The following DLGAP1 variants were observed in gnomAD, a reference collection of about 807,000 sequenced individuals.
DLGAP1 encodes disks large-associated protein 1.
DLGAP1 carries 11 observed loss-of-function variants against 90.8 expected under a neutral mutation model. The observed-to-expected ratio is 0.12, with a 90% CI of 0.08 to 0.20. The LOEUF (loss-of-function observed/expected upper bound fraction) is 0.20. Among genes scored for constraint, DLGAP1 ranks in the 10% least tolerant of loss-of-function variants. The probability of loss-of-function intolerance (pLI) is 1.00; values close to 1 mark genes in which losing one functional copy is unlikely to be tolerated. For synonymous variants in DLGAP1, 558 were observed against 540.7 expected (o/e 1.03, Z -0.44); for missense variants, 1,050 against 1,333.8 (o/e 0.79, Z 3.31).
At position 3,545,714 on chromosome 18, in the gene DLGAP1, T is replaced by C. The variant is rs141001593; in HGVS notation, c.2058-11099A>G. 4.5e-3 allele frequency among the ~76,000 whole-genome samples: 690 copies of C among 151,954 alleles called. 31 individuals carry two copies. In the South Asian group the frequency reaches 0.096, roughly 21 times the overall value. On this transcript the variant is annotated intron_variant, in intron 9 of 12. Transcript: ENST00000315677. ...TCTACTAAAATTACAAAAACTAAAC[T>C]AAACTAAAATAAATAAAAATAGAGA...
chr18:3,496,139 G>C lies in DLGAP1; in HGVS notation c.*3046C>G, dbSNP rs1209123355. ...ACACAATCTAGGTAAATAAGCCTATGAAATTCCAATTCATAAAGCCATAAA... is the reference window on the plus strand; with the variant it reads ...ACACAATCTAGGTAAATAAGCCTATCAAATTCCAATTCATAAAGCCATAAA... On this transcript the variant is annotated 3_prime_UTR_variant, in exon 13 of 13. Transcript: ENST00000315677. 6.6e-6 allele frequency: 1 copy of C among 152,060 alleles called. No homozygotes were observed. The highest frequency in any genetic ancestry group is 1.5e-5 in the Non-Finnish European group (1 of 68,002). The allele number at this position is 152,060 out of a possible 1,614,324, so 9.4% of individuals were successfully genotyped here.
chr18:4,275,438 G>T (rs1288821404), intron 1 of DLGAP1: 2 of 152,130 alleles, frequency 1.3e-5, no homozygotes, highest in Admixed American at 6.5e-5. Flanking sequence ...TTCTCCCACT[G>T]TTGGCAATCT....
intron 9 of DLGAP1, among the ~76,000 whole-genome samples, chr18:3,545,667 G>GC (rs2052973027): frequency 6.6e-6 from 1 of 152,102 alleles, no homozygotes; most frequent in South Asian, 2.1e-4. Context: ...GACCAGCCTG[G>GC]CCAACATGGT....
intron 7 of DLGAP1, among the ~76,000 whole-genome samples, chr18:3,648,515 C>T (rs1639369): frequency 0.23 from 35,084 of 152,028 alleles, 4,579 homozygotes; most frequent in African/African-American, 0.34. Flanking sequence ...TGGTGTGTTC[C>T]AAAATTAATA....
intron 5 of DLGAP1, among the ~76,000 whole-genome samples, chr18:3,792,797 C>T (rs889167356): frequency 1.3e-5 from 2 of 152,208 alleles, no homozygotes; most frequent in Non-Finnish European, 2.9e-5. Context: ...CATGTACCTT[C>T]CAGATCCTGT....
chr18:4,403,461 T>C (rs966731351), intron 1 of DLGAP1, among the ~76,000 whole-genome samples: 1 of 152,338 alleles, frequency 6.6e-6, no homozygotes, highest in African/African-American at 2.4e-5. Context: ...AAATAAAAGA[T>C]GTTTTTAGCA....
intron 4 of DLGAP1, among the ~76,000 whole-genome samples, chr18:3,816,009 C>G (rs939911445): frequency 2.0e-5 from 3 of 152,132 alleles, no homozygotes; most frequent in African/African-American, 7.2e-5. Context: ...AATAAAAAGG[C>G]TTTTAATATT....
intron 1 of DLGAP1, among the ~76,000 whole-genome samples, chr18:4,423,241 G>A (rs1249383983): frequency 6.6e-6 from 1 of 152,120 alleles, no homozygotes; most frequent in African/African-American, 2.4e-5. Context: ...AAAATGTCCT[G>A]TTAGAGTTTT....
chr18:4,259,882 GT>G (rs2078970359), intron 1 of DLGAP1, among the ~76,000 whole-genome samples: 1 of 152,138 alleles, frequency 6.6e-6, no homozygotes, highest in African/African-American at 2.4e-5. Flanking sequence ...ATCTCTCTGT[GT>G]TAGGTCTACT....
At chr18:4,170,562 A>C (rs1490265449) in intron 1 of DLGAP1, among the ~76,000 whole-genome samples, 1 of 152,140 alleles carries the variant, frequency 6.6e-6, no homozygotes, top group East Asian at 1.9e-4. Flanking sequence ...CTGAGGATAA[A>C]CTGGATATGA....
At chr18:3,648,553 A>C (rs1252453190) in intron 7 of DLGAP1, among the ~76,000 whole-genome samples, 2 of 152,236 alleles carry the variant, frequency 1.3e-5, no homozygotes, top group East Asian at 3.8e-4. Context: ...TTTTAGACTG[A>C]AAATATCAAG....
chr18:4,300,130 T>C (rs972117112), intron 1 of DLGAP1, among the ~76,000 whole-genome samples: 2 of 152,170 alleles, frequency 1.3e-5, no homozygotes, highest in Non-Finnish European at 2.9e-5. Flanking sequence ...CTTGATTCAA[T>C]TTAACAGTGT....
chr18:3,815,909 C>T (rs1274721775), intron 4 of DLGAP1, among the ~76,000 whole-genome samples: 3 of 151,872 alleles, frequency 2.0e-5, no homozygotes, highest in African/African-American at 4.8e-5. Flanking sequence ...ATAACAGAGA[C>T]GAGAAGAGAA....
At chr18:4,014,192 A>T (rs1441459910) in intron 2 of DLGAP1, among the ~76,000 whole-genome samples, 1 of 149,230 alleles carries the variant, frequency 6.7e-6, no homozygotes, top group African/African-American at 2.5e-5. Flanking sequence ...TTCAAGTGAT[A>T]CTCCTGCCTC....
intron 1 of DLGAP1, among the ~76,000 whole-genome samples, chr18:4,247,542 G>A (rs368807871): frequency 4.6e-5 from 7 of 152,160 alleles, no homozygotes; most frequent in East Asian, 3.9e-4. Flanking sequence ...TTCGGAGGCC[G>A]AGCCGAGCGG....
chr18:3,731,599 G>C (rs2062433101), intron 6 of DLGAP1, among the ~76,000 whole-genome samples: 1 of 149,700 alleles, frequency 6.7e-6, no homozygotes, highest in Admixed American at 6.7e-5. Flanking sequence ...GAGAGACAGG[G>C]TTTCCCCATG....
At chr18:3,898,722 A>G (rs1171832700) in intron 3 of DLGAP1, among the ~76,000 whole-genome samples, 2 of 152,232 alleles carry the variant, frequency 1.3e-5, no homozygotes, top group African/African-American at 4.8e-5. Context: ...ATACCTTAAC[A>G]TAAGCATAAT....
intron 1 of DLGAP1, among the ~76,000 whole-genome samples, chr18:4,197,935 C>G (rs1389676455): frequency 6.6e-6 from 1 of 152,032 alleles, no homozygotes; most frequent in Non-Finnish European, 1.5e-5. Context: ...TAAACCTATT[C>G]TTGTGGCCAG....
intron 7 of DLGAP1, among the ~76,000 whole-genome samples, chr18:3,608,925 C>T (rs143819876): frequency 6.6e-6 from 1 of 152,342 alleles, no homozygotes; most frequent in African/African-American, 2.4e-5. Context: ...CAACCTCCAC[C>T]TCCCAGGTTC....
Sources: allele counts gnomAD v4.1 joint callset (sites outside exome capture counted in the v4.1 genomes callset), GRCh38; gene constraint gnomAD v4.1.1; transcripts MANE v1.5; gene names NCBI Gene and HGNC (gene_info 2026-07-23, HGNC 2026-07-21).